Variants in NRG1 observed in about 807,000 individuals in gnomAD.
The protein encoded by NRG1 is pro-neuregulin-1, membrane-bound isoform.
In NRG1, 18 loss-of-function variants were observed where a neutral mutation model predicts 63.8. The observed-to-expected ratio is 0.28, with a 90% CI of 0.19 to 0.42. The LOEUF (loss-of-function observed/expected upper bound fraction) is 0.42, where lower values mean the gene tolerates loss of function less well. NRG1 is among the 10% of genes least tolerant of loss of function. The pLI, the probability that NRG1 is intolerant of heterozygous loss-of-function variation, is 1.00. For missense variants in NRG1, 762 were observed against 814.7 expected (o/e 0.94, Z 0.79); for synonymous variants, 302 against 301.3 (o/e 1.00, Z -0.02).
intron 1 of NRG1, among the ~76,000 whole-genome samples, chr8:32,391,656 C>T (rs956442775): frequency 6.6e-6 from 1 of 152,108 alleles, no homozygotes; most frequent in Admixed American, 6.6e-5. Context: ...AGAATGATGG[C>T]CTCTAACTCC....
intron 1 of NRG1, among the ~76,000 whole-genome samples, chr8:31,949,502 G>T (rs549465317): frequency 1.4e-3 from 215 of 152,228 alleles, no homozygotes; most frequent in African/African-American, 4.9e-3. Flanking sequence ...TCACTGGATT[G>T]CTCACCACCT....
intron 1 of NRG1, among the ~76,000 whole-genome samples, chr8:32,415,376 AAAAAG>A (rs1815732924): frequency 6.6e-6 from 1 of 151,282 alleles, no homozygotes; most frequent in African/African-American, 2.4e-5. Context: ...AAAAAAAAAA[AAAAAG>A]AAAGAAAGAA....
chr8:31,834,366 C>T lies in NRG1; in HGVS notation c.37+194935C>T, dbSNP rs77618537. On this transcript the variant is annotated intron_variant, in intron 1 of 10. Coordinates refer to the NRG1 transcript ENST00000519301. ...TTGTTTAAAATAAAAAAAGATTAGA[C>T]GAAAGCATAAAATCAGCCCTCTGGT... Among the ~76,000 whole-genome samples, 155 of 151,290 alleles carry T rather than the reference C, an allele frequency of 1.0e-3. 2 individuals carry two copies. In the East Asian group the frequency reaches 0.027, roughly 26 times the overall value.
At chr8:32,268,463 T>C (rs377644655) in intron 1 of NRG1, among the ~76,000 whole-genome samples, 34 of 152,348 alleles carry the variant, frequency 2.2e-4, no homozygotes, top group African/African-American at 7.5e-4. Flanking sequence ...TGATGATTGA[T>C]GCTGATTTGT....
rs1563313662 is a variant in NRG1 at position 32,322,355 on chromosome 8, T to TA, written c.38-273473_38-273472insA. ...AACCTTATTTAAGTGCAACCTTATTTTATATATATATATATATATATACCC... is the reference window on the plus strand; with the variant it reads ...AACCTTATTTAAGTGCAACCTTATTTATATATATATATATATATATATACCC... On this transcript the variant is annotated intron_variant, in intron 1 of 10. Transcript: ENST00000519301. Among the ~76,000 whole-genome samples the TA allele has an allele frequency of 1.6e-3, 235 of 142,654 alleles. 1 individual carries two copies. The highest frequency in any genetic ancestry group is 5.8e-3 in the African/African-American group (219 of 38,052). 93.6% of individuals were successfully genotyped at this position (142,654 alleles called of 152,430 possible).
chr8:32,121,211 TTTTTGTTTTG>T (rs1369824537), intron 1 of NRG1, among the ~76,000 whole-genome samples: 1 of 151,870 alleles, frequency 6.6e-6, no homozygotes, highest in East Asian at 1.9e-4. Flanking sequence ...ACAGCTAAGG[TTTTTGTTTTG>T]TTTTGTTTTG....
chr8:32,435,292 A>G (rs1818646805), intron 1 of NRG1, among the ~76,000 whole-genome samples: 1 of 152,164 alleles, frequency 6.6e-6, no homozygotes, highest in Admixed American at 6.6e-5. Flanking sequence ...CACATATCAC[A>G]AAAGAGTTCT....
Position 31,889,224 on chromosome 8 carries a change from A to C in NRG1, c.37+249793A>C, listed in dbSNP as rs183597907. ...GTTACAAATCCAGCGTTTTTCCTTG[A>C]TGTCTTTATAAATACATTGTTTACA... On this transcript the variant is annotated intron_variant, in intron 1 of 10. Coordinates refer to the NRG1 transcript ENST00000519301. Among the ~76,000 whole-genome samples, 387 of 152,290 alleles carry C rather than the reference A, an allele frequency of 2.5e-3. 2 individuals carry two copies. The highest frequency in any genetic ancestry group is 3.1e-3 in the Non-Finnish European group (212 of 68,016).
rs577637826 is a variant in NRG1, at chr8:32,671,388, A to G, written c.502+54503A>G. ...GATTAGGGAGGTCTTTGTTCCAGGT[A>G]TCTCACATCAGAGAGCCTTCATAAC... On this transcript the variant is annotated intron_variant, in intron 5 of 11. Coordinates refer to ENST00000356819, the Ensembl canonical transcript of NRG1. Among the ~76,000 whole-genome samples the G allele has an allele frequency of 4.6e-5, 7 of 152,286 alleles. No homozygotes were observed. The East Asian group carries it at 1.2e-3, about 25-fold the overall frequency.
chr8:32,277,948 A>G (rs747073901), intron 1 of NRG1, among the ~76,000 whole-genome samples: 1 of 152,206 alleles, frequency 6.6e-6, no homozygotes, highest in Non-Finnish European at 1.5e-5. Flanking sequence ...GGCTGCTCCA[A>G]TGAAGGGGAT....
chr8:32,603,171 A>G (rs1844664062), intron 2 of NRG1, among the ~76,000 whole-genome samples: 1 of 152,170 alleles, frequency 6.6e-6, no homozygotes, highest in Non-Finnish European at 1.5e-5. Context: ...CTGTTAAATT[A>G]CATCCACTTT....
intron 1 of NRG1, among the ~76,000 whole-genome samples, chr8:32,291,836 ATAC>A (rs1229470902): frequency 1.3e-5 from 2 of 152,078 alleles, no homozygotes; most frequent in African/African-American, 4.8e-5. Flanking sequence ...TCCACTCTTG[ATAC>A]TGTTTGGCAT....
At chr8:31,720,351 A>C (rs1195525178) in intron 1 of NRG1, among the ~76,000 whole-genome samples, 1 of 152,116 alleles carries the variant, frequency 6.6e-6, no homozygotes, top group Admixed American at 6.6e-5. Flanking sequence ...TCTGGGGTAC[A>C]TGTGCAGGAT....
chr8:31,645,681 T>C (rs1028760093), intron 1 of NRG1, among the ~76,000 whole-genome samples: 2 of 152,220 alleles, frequency 1.3e-5, no homozygotes, highest in East Asian at 1.9e-4. Context: ...TTTGGTCTTC[T>C]TCAGGAGAAC....
intron 5 of NRG1, among the ~76,000 whole-genome samples, chr8:32,655,336 C>A (rs978005208): frequency 3.3e-5 from 5 of 152,148 alleles, no homozygotes; most frequent in Non-Finnish European, 7.4e-5. Context: ...CCAGCTCTAC[C>A]TCTTGCATGC....
intron 1 of NRG1, among the ~76,000 whole-genome samples, chr8:31,914,966 A>G (rs772658584): frequency 3.3e-5 from 5 of 152,056 alleles, no homozygotes; most frequent in Non-Finnish European, 5.9e-5. Context: ...AATTATTTTA[A>G]ATTCCCACAA....
intron 1 of NRG1, among the ~76,000 whole-genome samples, chr8:32,556,919 G>C (rs1241416173): frequency 2.0e-5 from 3 of 152,178 alleles, no homozygotes; most frequent in African/African-American, 7.2e-5. Context: ...TGATATTTTT[G>C]TCAAAACAAG....
intron 1 of NRG1, among the ~76,000 whole-genome samples, chr8:32,419,913 C>A (rs1044745181): frequency 2.6e-5 from 4 of 152,158 alleles, no homozygotes; most frequent in African/African-American, 9.7e-5. Context: ...TCCCTTCACA[C>A]CCTGTTTATA....
intron 5 of NRG1, among the ~76,000 whole-genome samples, chr8:32,708,063 A>ATACTT (rs1816877981): frequency 6.6e-6 from 1 of 151,978 alleles, no homozygotes; most frequent in Admixed American, 6.6e-5. Context: ...CTAAAAGTTA[A>ATACTT]ATCATCCTTA....
Sources: gnomAD v4.1 joint callset for allele counts (sites outside exome capture counted in the v4.1 genomes callset) on GRCh38, gnomAD v4.1.1 for gene constraint, MANE v1.5 for transcripts, NCBI Gene and HGNC (gene_info 2026-07-23, HGNC 2026-07-21) for gene names.